SRGAP2B: variants seen among roughly 807,000 people sequenced by gnomAD.
The protein encoded by SRGAP2B is SLIT-ROBO Rho GTPase-activating protein 2B.
A neutral mutation model predicts 22.2 loss-of-function variants in SRGAP2B; 9 were observed. That is an observed-to-expected ratio of 0.41 (90% CI 0.24 to 0.71). SRGAP2B has a LOEUF of 0.71. SRGAP2B is among the 30% of genes least tolerant of loss of function. The pLI is 0.35. For synonymous variants in SRGAP2B, 36 were observed against 87.4 expected (o/e 0.41, Z 3.28); for missense variants, 114 against 235.8 (o/e 0.48, Z 3.38).
chr1:145,006,791 T>C (rs1671627697), intron 2 of SRGAP2B, among the ~76,000 whole-genome samples: 1 of 150,844 alleles, frequency 6.6e-6, no homozygotes, highest in Non-Finnish European at 1.5e-5. Flanking sequence ...TAAGTGCTTA[T>C]TATGTGCCAA....
At position 145,090,058 on chromosome 1, in the gene SRGAP2B, C is replaced by G. The variant is rs1335714038; in HGVS notation, c.67+2777G>C. Among the ~76,000 whole-genome samples, 11 of 146,580 alleles carry G rather than the reference C, an allele frequency of 7.5e-5. 2 individuals carry two copies. The highest frequency in any genetic ancestry group is 3.0e-4 in the African/African-American group (11 of 36,520). On this transcript the variant is annotated intron_variant, in intron 2 of 9. Coordinates refer to ENST00000612199, the Ensembl canonical transcript of SRGAP2B. The stretch of plus-strand genomic sequence containing the variant: ...TAAAAATTGCACTTAACAACCAAAC[C>G]AAACTGCATAGCTGTTACAGCAATT...
chr1:144,956,456 T>C (rs1217500598), intron 3 of SRGAP2B, among the ~76,000 whole-genome samples: 1 of 129,840 alleles, frequency 7.7e-6, no homozygotes, highest in East Asian at 2.1e-4. Flanking sequence ...TTTTTTTTTT[T>C]TTTTTTTTTG....
chr1:144,925,692 G>A (rs1205525000), intron 4 of SRGAP2B, among the ~76,000 whole-genome samples: 1 of 136,524 alleles, frequency 7.3e-6, no homozygotes, highest in Non-Finnish European at 1.6e-5. Flanking sequence ...GAAGTGGGGG[G>A]GCAGAGAGAG....
chr1:145,036,473 T>C (rs1191875375), intron 2 of SRGAP2B, among the ~76,000 whole-genome samples: 1 of 48,354 alleles, frequency 2.1e-5, no homozygotes, highest in East Asian at 5.6e-4. Context: ...CTACCACCTA[T>C]TGAGGGCCAA....
intron 4 of SRGAP2B, among the ~76,000 whole-genome samples, chr1:144,925,195 G>C (rs1553604785): frequency 6.7e-6 from 1 of 150,276 alleles, no homozygotes; most frequent in Admixed American, 6.6e-5. Flanking sequence ...TAAAGACAGA[G>C]AGTTTCACTA....
Position 145,081,412 on chromosome 1 carries a change from A to C in SRGAP2B, c.67+11423T>G, listed in dbSNP as rs1295272034. Among the ~76,000 whole-genome samples the C allele has an allele frequency of 2.0e-5, 3 of 150,838 alleles. No homozygotes were observed. In the East Asian group the frequency reaches 5.8e-4, roughly 29 times the overall value. The stretch of plus-strand genomic sequence containing the variant: ...GGGAAACTAGGGATTTTGAGACCTT[A>C]GGTGAGTTATCTCCAAAATCATGGC... On this transcript the variant is annotated intron_variant, in intron 2 of 9. Transcript: ENST00000612199.
At chr1:144,965,797 G>T (rs587634145) in intron 3 of SRGAP2B, among the ~76,000 whole-genome samples, 2 of 141,692 alleles carry the variant, frequency 1.4e-5, no homozygotes, top group Admixed American at 7.0e-5. Context: ...GTGCTTAAAG[G>T]AGCTGATGGA....
chr1:145,073,177 C>T lies in SRGAP2B; in HGVS notation c.67+19658G>A, dbSNP rs372482441. 3.5e-4 allele frequency among the ~76,000 whole-genome samples: 53 copies of T among 150,472 alleles called. 2 individuals carry two copies. The South Asian group carries it at 8.1e-3, about 23-fold the overall frequency. On this transcript the variant is annotated intron_variant, in intron 2 of 9. Coordinates refer to ENST00000612199, the Ensembl canonical transcript of SRGAP2B. ...TCTGAAAGTGAAAGGTAAGAAGCTG[C>T]AAAAGGAGGTCAGGTATTTGGCACG...
chr1:144,975,906 G>T (rs1281339451), intron 3 of SRGAP2B, among the ~76,000 whole-genome samples: 1 of 118,290 alleles, frequency 8.5e-6, no homozygotes, highest in Non-Finnish European at 1.6e-5. Context: ...TGGAGTCTCG[G>T]TCTGTCACCC....
chr1:145,090,676 CAGAATAG>C (rs200018577), intron 2 of SRGAP2B, among the ~76,000 whole-genome samples: 3,015 of 126,512 alleles, frequency 0.024, 176 homozygotes, highest in African/African-American at 0.091. Flanking sequence ...AGTAAAGATA[CAGAATAG>C]AGAATTGAGA....
chr1:144,914,272 A>T (rs1425851146), intron 5 of SRGAP2B, among the ~76,000 whole-genome samples: 2 of 151,680 alleles, frequency 1.3e-5, no homozygotes, highest in African/African-American at 4.9e-5. Flanking sequence ...TCAAAGCCAT[A>T]CATCAATCCA....
chr1:144,994,523 T>C (rs1172150657), intron 3 of SRGAP2B, among the ~76,000 whole-genome samples: 4 of 140,684 alleles, frequency 2.8e-5, no homozygotes, highest in Non-Finnish European at 1.5e-5. Context: ...ATTCCAGCTC[T>C]ACTATTTACT....
chr1:144,928,404 G>GTTAT lies in SRGAP2B; in HGVS notation c.424-13654_424-13651dup, dbSNP rs1267611455. 5.3e-3 allele frequency among the ~76,000 whole-genome samples: 612 copies of GTTAT among 116,176 alleles called. 51 individuals are homozygous for GTTAT. Among genetic ancestry groups the GTTAT allele is most frequent in the Admixed American group, 6.8e-3 (81 of 11,930 alleles). 76.2% of individuals were successfully genotyped at this position (116,176 alleles called of 152,430 possible). A position where few individuals can be genotyped will look rare whatever the true frequency, so the allele number is the denominator to read the frequency against. On this transcript the variant is annotated intron_variant, in intron 4 of 9. Coordinates refer to ENST00000612199, the Ensembl canonical transcript of SRGAP2B. Reference sequence around the variant, plus strand: ...ACATTTGGGTTGCTTCCACTTTTTGGTTATTTATTTATTTATTTATTTATT... The same window carrying GTTAT: ...ACATTTGGGTTGCTTCCACTTTTTGGTTATTTATTTATTTATTTATTTATTTATT...
chr1:144,973,860 C>T (rs1193920373), intron 3 of SRGAP2B, among the ~76,000 whole-genome samples: 3 of 129,426 alleles, frequency 2.3e-5, no homozygotes, highest in Admixed American at 7.9e-5. Flanking sequence ...TACTCACTCC[C>T]GACAAGGGCA....
intron 3 of SRGAP2B, among the ~76,000 whole-genome samples, chr1:144,971,074 T>C (rs1387900040): frequency 6.7e-6 from 1 of 149,680 alleles, no homozygotes; most frequent in African/African-American, 2.5e-5. Context: ...ATTCCTTTTA[T>C]AATAAACTTG....
chr1:144,976,082 G>A (rs1182899516), intron 3 of SRGAP2B, among the ~76,000 whole-genome samples: 12 of 147,818 alleles, frequency 8.1e-5, no homozygotes, highest in Non-Finnish European at 1.8e-4. Context: ...GGGTTTCACC[G>A]TGTTAGCCAG....
At chr1:145,001,895 G>A (rs1365661070) in intron 2 of SRGAP2B, among the ~76,000 whole-genome samples, 6 of 149,334 alleles carry the variant, frequency 4.0e-5, no homozygotes, top group Admixed American at 4.0e-4. Flanking sequence ...GGTGGTGCAT[G>A]CCTTTAGTCC....
chr1:144,965,530 A>T (rs1432315433), intron 3 of SRGAP2B, among the ~76,000 whole-genome samples: 2 of 145,166 alleles, frequency 1.4e-5, no homozygotes, highest in Non-Finnish European at 3.0e-5. Flanking sequence ...GAAAACCTCA[A>T]AGATGGGGAA....
intron 2 of SRGAP2B, among the ~76,000 whole-genome samples, chr1:145,021,736 C>A (rs1225046684): frequency 1.3e-5 from 2 of 149,376 alleles, no homozygotes; most frequent in South Asian, 4.2e-4. Context: ...ATCTCTTGAA[C>A]CCAGGAGGCA....
Sources: allele counts gnomAD v4.1 joint callset (sites outside exome capture counted in the v4.1 genomes callset), GRCh38; gene constraint gnomAD v4.1.1; transcripts MANE v1.5; gene names NCBI Gene and HGNC (gene_info 2026-07-23, HGNC 2026-07-21).